RNF212B: variants seen among roughly 807,000 people sequenced by gnomAD.
RNF212B encodes E3 ubiquitin-protein ligase RNF212B.
RNF212B carries 52 observed loss-of-function variants against 55.5 expected under a neutral mutation model. The ratio of observed to expected loss-of-function variants is 0.94; its 90% CI spans 0.75 to 1.18. The LOEUF (loss-of-function observed/expected upper bound fraction) is 1.18, where lower values mean the gene tolerates loss of function less well. Ranked by LOEUF, RNF212B falls within the 50% of genes most tolerant of loss-of-function variation. The pLI is 0.00. For missense variants in RNF212B, 289 were observed against 350.4 expected (o/e 0.82, Z 1.40); for synonymous variants, 99 against 121.4 (o/e 0.82, Z 1.21).
At chr14:23,202,577 C>T (rs1421699319) in intron 2 of RNF212B, among the ~76,000 whole-genome samples, 5 of 152,070 alleles carry the variant, frequency 3.3e-5, no homozygotes, top group Non-Finnish European at 7.4e-5. Context: ...TTAGGCTGGG[C>T]GTGATGGCTC....
At chr14:23,271,301 G>C (rs1357693092) in intron 14 of RNF212B, among the ~76,000 whole-genome samples, 1 of 152,058 alleles carries the variant, frequency 6.6e-6, no homozygotes, top group Admixed American at 6.6e-5. Flanking sequence ...AAATTAGCCA[G>C]GTGTGGTGGC....
Position 23,186,224 on chromosome 14 carries a change from C to G in RNF212B, c.-79+734C>G, listed in dbSNP as rs566237278. On this transcript the variant is annotated intron_variant, in intron 1 of 15. Transcript: ENST00000399910. ...TTGGAATCTTTTTGTGACATAAACT[C>G]TTAAGTGTGTCAAAATTCCAGGTGA... Among the ~76,000 whole-genome samples the G allele has an allele frequency of 3.3e-5, 5 of 152,216 alleles. No individual in the cohort carries two copies. The East Asian group carries it at 9.6e-4, about 29-fold the overall frequency.
At chr14:23,195,140 T>G (rs1878530765) in intron 2 of RNF212B, among the ~76,000 whole-genome samples, 1 of 151,976 alleles carries the variant, frequency 6.6e-6, no homozygotes, top group African/African-American at 2.4e-5. Flanking sequence ...AAGTACTGCA[T>G]ATAGGAGCCA....
intron 14 of RNF212B, among the ~76,000 whole-genome samples, chr14:23,271,501 G>T (rs572508840): frequency 4.1e-4 from 62 of 150,576 alleles, no homozygotes; most frequent in African/African-American, 1.3e-3. Flanking sequence ...TTTTTTGTTT[G>T]TTTTTTTTAA....
intron 2 of RNF212B, among the ~76,000 whole-genome samples, chr14:23,225,081 C>A (rs35693171): frequency 0.18 from 26,769 of 146,140 alleles, 2,393 homozygotes; most frequent in African/African-American, 0.19. Context: ...CCACCCCACA[C>A]AAAAAAAAAA....
intron 3 of RNF212B, among the ~76,000 whole-genome samples, chr14:23,243,867 A>G (rs1314932845): frequency 2.0e-5 from 3 of 152,100 alleles, no homozygotes; most frequent in Admixed American, 6.6e-5. Flanking sequence ...ACCTGAGGTC[A>G]GGAGTTCGAG....
chr14:23,242,133 T>G (rs1268401941), intron 2 of RNF212B, among the ~76,000 whole-genome samples: 1 of 96,324 alleles, frequency 1.0e-5, no homozygotes. Context: ...AAGAAAAACC[T>G]TTAGTCCCCA....
chr14:23,216,910 A>G (rs191214473), intron 2 of RNF212B, among the ~76,000 whole-genome samples: 19 of 149,562 alleles, frequency 1.3e-4, no homozygotes, highest in Non-Finnish European at 2.7e-4. Context: ...AAAAAGACCA[A>G]TCTCAAAGGT....
chr14:23,229,722 T>C (rs1332013165), intron 2 of RNF212B, among the ~76,000 whole-genome samples: 1 of 152,236 alleles, frequency 6.6e-6, no homozygotes, highest in Admixed American at 6.5e-5. Flanking sequence ...TGCCTATTTT[T>C]AATTGGGTTG....
intron 7 of RNF212B, among the ~76,000 whole-genome samples, chr14:23,261,736 C>T (rs1386899048): frequency 1.3e-5 from 2 of 152,176 alleles, no homozygotes; most frequent in African/African-American, 2.4e-5. Context: ...CCAAGGTGGG[C>T]GGATCATGGG....
upstream of RNF212B, among the ~76,000 whole-genome samples, chr14:23,236,159 C>T (rs766151883): frequency 2.6e-5 from 4 of 152,140 alleles, no homozygotes; most frequent in East Asian, 1.9e-4. Flanking sequence ...AATGTAAAAA[C>T]GATGCCACTC....
At chr14:23,258,435 T>C in intron 4 of RNF212B, 114 bp from the exon 5 acceptor site, 2 of 460,520 alleles carry the variant, frequency 4.3e-6, no homozygotes, top group Non-Finnish European at 7.7e-6. Flanking sequence ...CCAGATGTTC[T>C]AGAAGAAAAT....
rs1886239923 is a variant in RNF212B, at chr14:23,273,196, T to C, written c.*305T>C. The C allele has an allele frequency of 1.8e-5, 4 of 223,410 alleles. No individual in the cohort carries two copies. The highest frequency in any genetic ancestry group is 1.5e-4 in the Admixed American group (3 of 19,676). The allele number at this position is 223,410 out of a possible 1,614,324, so 13.8% of individuals were successfully genotyped here. ...AAATAATTCTTGGCATCATGCTTGG[T>C]TGGGAGTTGGGAATGGGGATTGTGA... On this transcript the variant is annotated 3_prime_UTR_variant, in exon 15 of 15. Coordinates refer to ENST00000430154, the MANE Select transcript of RNF212B (RefSeq NM_001282322.3).
At chr14:23,197,238 A>G (rs996798494) in intron 2 of RNF212B, among the ~76,000 whole-genome samples, 12 of 152,186 alleles carry the variant, frequency 7.9e-5, no homozygotes, top group Non-Finnish European at 1.6e-4. Context: ...AGAAAAATAT[A>G]ACGAGAGGCC....
chr14:23,259,757 G>A, intron 5 of RNF212B, 127 bp from the exon 6 acceptor site: 1 of 459,524 alleles, frequency 2.2e-6, no homozygotes, highest in Admixed American at 4.3e-5. Context: ...ATCCCTGATA[G>A]AAATAGCTTG....
chr14:23,225,745 A>G (rs1260997702), intron 2 of RNF212B, among the ~76,000 whole-genome samples: 1 of 152,196 alleles, frequency 6.6e-6, no homozygotes, highest in Non-Finnish European at 1.5e-5. Context: ...AGTATTTGAT[A>G]GCATAACAGG....
At chr14:23,197,968 T>C (rs576382459) in intron 2 of RNF212B, among the ~76,000 whole-genome samples, 12 of 152,080 alleles carry the variant, frequency 7.9e-5, no homozygotes, top group Non-Finnish European at 1.6e-4. Context: ...AGTACATTCT[T>C]AAGGGCGGGG....
intron 2 of RNF212B, 123 bp downstream of exon 2, chr14:23,240,568 A>G (rs796743075): frequency 1.8e-6 from 1 of 556,604 alleles, no homozygotes; most frequent in Non-Finnish European, 3.2e-6. Flanking sequence ...TGATAAAGAT[A>G]CTGTAGGAAA....
chr14:23,252,377 TAA>T (rs140157493), intron 4 of RNF212B, among the ~76,000 whole-genome samples: 1 of 151,924 alleles, frequency 6.6e-6, no homozygotes, highest in South Asian at 2.1e-4. Context: ...ATCAGCCCAT[TAA>T]AAAAAAGTTT....
Sources: allele counts gnomAD v4.1 joint callset (sites outside exome capture counted in the v4.1 genomes callset), GRCh38; gene constraint gnomAD v4.1.1; transcripts MANE v1.5; gene names NCBI Gene and HGNC (gene_info 2026-07-23, HGNC 2026-07-21).